FAM222B: variants seen among roughly 807,000 people sequenced by gnomAD.
FAM222B encodes protein FAM222B.
In FAM222B, 12 loss-of-function variants were observed where a neutral mutation model predicts 38.0. The ratio of observed to expected loss-of-function variants is 0.32; its 90% CI spans 0.20 to 0.51. FAM222B has a LOEUF of 0.51. Ranked by LOEUF, FAM222B falls within the 20% of genes least tolerant of loss-of-function variation. FAM222B has a pLI of 0.97. For synonymous variants in FAM222B, 329 were observed against 317.2 expected (o/e 1.04, Z -0.40); for missense variants, 716 against 754.2 (o/e 0.95, Z 0.59).
intron 1 of FAM222B, among the ~76,000 whole-genome samples, chr17:28,809,970 T>C (rs2037672097): frequency 6.6e-6 from 1 of 152,136 alleles, no homozygotes; most frequent in Admixed American, 6.6e-5. Context: ...GTTGAAATTG[T>C]ACAGCCTCCA....
At chr17:28,850,976 G>A (rs1402452811) in intron 1 of FAM222B, among the ~76,000 whole-genome samples, 2 of 151,562 alleles carry the variant, frequency 1.3e-5, no homozygotes, top group Admixed American at 6.6e-5. Flanking sequence ...AAAATTAGCC[G>A]GGCTTGGTGG....
At chr17:28,795,009 C>T (rs1019493828) in intron 1 of FAM222B, among the ~76,000 whole-genome samples, 4 of 151,452 alleles carry the variant, frequency 2.6e-5, no homozygotes, top group Non-Finnish European at 5.9e-5. Context: ...AGGAGAATCA[C>T]GTGAACCAGG....
intron 1 of FAM222B, among the ~76,000 whole-genome samples, chr17:28,807,777 A>G (rs1190514446): frequency 9.2e-5 from 14 of 152,244 alleles, no homozygotes; most frequent in Admixed American, 6.5e-4. Context: ...CTGACTAAAC[A>G]AAAGGACCAT....
intron 1 of FAM222B, among the ~76,000 whole-genome samples, chr17:28,822,737 A>G (rs79759644): frequency 0.029 from 3,949 of 136,348 alleles, 202 homozygotes; most frequent in African/African-American, 0.1. Context: ...CAGGAGGTGG[A>G]GATTGCACTG....
rs1456985542 is a variant in FAM222B, at chr17:28,759,250, C to T, written c.709G>A (p.Asp237Asn). 18 of 1,613,512 alleles carry T rather than the reference C, an allele frequency of 1.1e-5. No homozygotes were observed. The highest frequency in any genetic ancestry group is 1.4e-5 in the Non-Finnish European group (17 of 1,179,788). Residue 237 changes from aspartate to asparagine, a missense_variant, in exon 3 of 3, where the codon GAT (aspartate) becomes AAT (asparagine). Asp to Asn is a conservative substitution (Grantham distance 23). Coordinates refer to ENST00000581407, the MANE Select transcript of FAM222B (RefSeq NM_001077498.3). The surrounding 1 kb of genome is among the most constrained non-coding windows in gnomAD (Gnocchi z 4.8). ...GACACGGTCACATTCGGGGGGGCAT[C>T]TGAGTCTGGCATCTTCCGGCCTCCA... ...LHGGRKMPDS[D>N]APPNVTVSTS...
chr17:28,770,066 G>A (rs1019581964), intron 1 of FAM222B, among the ~76,000 whole-genome samples: 1 of 151,912 alleles, frequency 6.6e-6, no homozygotes, highest in Non-Finnish European at 1.5e-5. Context: ...CCCCAGGCAC[G>A]TGGCCCTTCC....
chr17:28,795,292 A>G (rs2036887180), intron 1 of FAM222B, among the ~76,000 whole-genome samples: 1 of 151,922 alleles, frequency 6.6e-6, no homozygotes, highest in Non-Finnish European at 1.5e-5. Context: ...TTACAGGCAC[A>G]TGCCATCGTG....
At position 28,758,892 on chromosome 17, in the gene FAM222B, TAGCC is replaced by T; in HGVS notation, c.1063_1066del (p.Gly355ThrfsTer33). 2 of 1,608,622 alleles carry T rather than the reference TAGCC, an allele frequency of 1.2e-6. No individual in the cohort carries two copies. The highest frequency in any genetic ancestry group is 1.7e-6 in the Non-Finnish European group (2 of 1,178,058). On this transcript the variant is annotated frameshift_variant, in exon 3 of 3. Transcript: ENST00000581407. LOFTEE classifies it high-confidence loss of function. ...GGTGACTGGCTTGAGGTCGCTAGGG[TAGCC>T]AGTGGGGACGCGAGAGATGCCTGTG...
intron 1 of FAM222B, among the ~76,000 whole-genome samples, chr17:28,782,913 G>A (rs567386556): frequency 4.4e-4 from 67 of 152,116 alleles, no homozygotes; most frequent in Admixed American, 8.5e-4. Context: ...CGAGGCAGGC[G>A]GATCACGAGG....
At chr17:28,817,269 C>A (rs1260014958) in intron 1 of FAM222B, among the ~76,000 whole-genome samples, 1 of 151,528 alleles carries the variant, frequency 6.6e-6, no homozygotes, top group Non-Finnish European at 1.5e-5. Flanking sequence ...AAAAATTAGC[C>A]GGGCGTGGTG....
intron 1 of FAM222B, among the ~76,000 whole-genome samples, chr17:28,775,881 CA>C (rs576335143): frequency 2.9e-4 from 35 of 119,214 alleles, no homozygotes; most frequent in Middle Eastern, 4.5e-3. Flanking sequence ...ACTCCATCTC[CA>C]AAAAAAAAAA....
chr17:28,845,407 A>C (rs1398001125), upstream of FAM222B, among the ~76,000 whole-genome samples: 2 of 151,140 alleles, frequency 1.3e-5, no homozygotes, highest in Non-Finnish European at 3.0e-5. Flanking sequence ...CTCAAAAAAA[A>C]AAAATACAAA....
At chr17:28,775,370 G>A (rs2035838588) in intron 1 of FAM222B, among the ~76,000 whole-genome samples, 1 of 151,266 alleles carries the variant, frequency 6.6e-6, no homozygotes, top group Admixed American at 6.6e-5. Flanking sequence ...GTGATCTCTA[G>A]AGAGCTCACT....
At chr17:28,818,623 C>T (rs1194531645) in intron 1 of FAM222B, among the ~76,000 whole-genome samples, 4 of 151,956 alleles carry the variant, frequency 2.6e-5, no homozygotes, top group East Asian at 3.9e-4. Flanking sequence ...AGAATTAAAG[C>T]TCAAAGTCAC....
chr17:28,843,711 G>A (rs1299706229), upstream of FAM222B, among the ~76,000 whole-genome samples: 1 of 152,060 alleles, frequency 6.6e-6, no homozygotes. Flanking sequence ...GCCTCCCAAA[G>A]TGCTGGGATT....
rs1567818736 is a variant in FAM222B, at chr17:28,778,695, G to GTATATA, written c.-40-11989_-40-11988insTATATA. ...ATTTTTTTTTTGTGTGTGTGTGTGT[G>GTATATA]TGTATATATATATATATATATATAT... On this transcript the variant is annotated intron_variant, in intron 1 of 2. Transcript: ENST00000581407. Among the ~76,000 whole-genome samples the GTATATA allele has an allele frequency of 1.1e-4, 10 of 88,150 alleles. No individual in the cohort carries two copies. The South Asian group carries it at 1.4e-3, about 12-fold the overall frequency. 57.8% of individuals were successfully genotyped at this position (88,150 alleles called of 152,430 possible).
chr17:28,822,786 G>C lies in FAM222B; in HGVS notation c.-41+19896C>G, dbSNP rs1260615307. ...CCACTGCACTCCAGCCTGGGCGATA[G>C]AGCAAGACTCCATCTCAAAAAAAAA... On this transcript the variant is annotated intron_variant, in intron 1 of 2. Transcript: ENST00000581407. 8.4e-5 allele frequency among the ~76,000 whole-genome samples: 7 copies of C among 83,680 alleles called. No homozygotes were observed. The Admixed American group carries it at 1.1e-3, about 13-fold the overall frequency. 54.9% of individuals were successfully genotyped at this position (83,680 alleles called of 152,430 possible). A position where few individuals can be genotyped will look rare whatever the true frequency, so the allele number is the denominator to read the frequency against.
intron 1 of FAM222B, chr17:28,790,405 A>G (rs1226600476): frequency 1.3e-5 from 2 of 152,270 alleles, no homozygotes; most frequent in Non-Finnish European, 2.9e-5. Flanking sequence ...TGAAGAACAC[A>G]GCATCACTCC....
chr17:28,788,905 C>T (rs1479798842), intron 1 of FAM222B, among the ~76,000 whole-genome samples: 1 of 151,682 alleles, frequency 6.6e-6, no homozygotes. Flanking sequence ...CCACACCCAC[C>T]TAATTTTTGT....
Sources: allele counts gnomAD v4.1 joint callset (sites outside exome capture counted in the v4.1 genomes callset), GRCh38; gene constraint gnomAD v4.1.1; non-coding constraint Gnocchi (gnomAD v3.1); transcripts MANE v1.5; gene names NCBI Gene and HGNC (gene_info 2026-07-23, HGNC 2026-07-21).